Variants in PKIG observed in about 807,000 individuals in gnomAD.
The protein encoded by PKIG is cAMP-dependent protein kinase inhibitor gamma.
A neutral mutation model predicts 6.8 loss-of-function variants in PKIG; 1 was observed. That is an observed-to-expected ratio of 0.15 (90% CI 0.05 to 0.69). The LOEUF is 0.69. Among genes scored for constraint, PKIG ranks in the 30% least tolerant of loss-of-function variants. The pLI is 0.82. For synonymous variants in PKIG, 39 were observed against 43.0 expected, an observed-to-expected ratio of 0.91 and a Z score of 0.36; for missense variants, 77 against 104.0, an observed-to-expected ratio of 0.74 and a Z score of 1.13.
At chr20:44,587,292 G>A (rs1230754318) in intron 1 of PKIG, among the ~76,000 whole-genome samples, 3 of 152,220 alleles carry the variant, frequency 2.0e-5, no homozygotes, top group African/African-American at 7.2e-5. Context: ...TGGAGGTCCT[G>A]ATCTTGCGCT....
At chr20:44,552,953 T>A (rs2064682006) in intron 1 of PKIG, among the ~76,000 whole-genome samples, 1 of 152,130 alleles carries the variant, frequency 6.6e-6, no homozygotes, top group Non-Finnish European at 1.5e-5. Flanking sequence ...ATGATCTGAG[T>A]CTGTGTTTTG....
intron 1 of PKIG, among the ~76,000 whole-genome samples, chr20:44,573,086 G>A (rs1675239976): frequency 2.6e-5 from 4 of 152,230 alleles, no homozygotes; most frequent in African/African-American, 7.2e-5. Context: ...TTGGAACTAA[G>A]TAGAGTGGCA....
At chr20:44,558,574 T>C (rs377345770) in intron 1 of PKIG, among the ~76,000 whole-genome samples, 3 of 131,900 alleles carry the variant, frequency 2.3e-5, no homozygotes, top group Non-Finnish European at 3.1e-5. Context: ...TTTTTTTCTT[T>C]TTTCTTTCTT....
intron 1 of PKIG, among the ~76,000 whole-genome samples, chr20:44,532,235 A>T (rs1276437857): frequency 6.6e-6 from 1 of 152,214 alleles, no homozygotes; most frequent in Non-Finnish European, 1.5e-5. Context: ...TTAAAAAAAA[A>T]ATCCCTTCTT....
At chr20:44,578,290 G>A (rs559326424), upstream of PKIG, among the ~76,000 whole-genome samples, 8 of 145,468 alleles carry the variant, frequency 5.5e-5, no homozygotes, top group South Asian at 8.7e-4. Flanking sequence ...GCAGTGAGCC[G>A]AGATTGCACC....
intron 1 of PKIG, among the ~76,000 whole-genome samples, chr20:44,549,369 G>C (rs1307478522): frequency 6.6e-6 from 1 of 152,016 alleles, no homozygotes; most frequent in Non-Finnish European, 1.5e-5. Flanking sequence ...CCCATATACT[G>C]TTCTGTGTAA....
intron 1 of PKIG, among the ~76,000 whole-genome samples, chr20:44,585,910 T>C (rs757019141): frequency 2.0e-5 from 3 of 152,212 alleles, no homozygotes; most frequent in Non-Finnish European, 2.9e-5. Context: ...GGGTAGCAGG[T>C]AAGAGCTCTC....
At chr20:44,605,233 G>A (rs748530129) in intron 2 of PKIG, among the ~76,000 whole-genome samples, 2 of 151,888 alleles carry the variant, frequency 1.3e-5, no homozygotes, top group South Asian at 2.1e-4. Context: ...GTGAAACCCC[G>A]TCTCTACTGA....
At chr20:44,545,069 A>C (rs917525778) in intron 1 of PKIG, among the ~76,000 whole-genome samples, 5 of 150,472 alleles carry the variant, frequency 3.3e-5, no homozygotes, top group African/African-American at 1.2e-4. Context: ...TGGAGTAGCT[A>C]GGATTACAGG....
chr20:44,604,560 A>T (rs1316802406), intron 2 of PKIG, among the ~76,000 whole-genome samples: 1 of 152,246 alleles, frequency 6.6e-6, no homozygotes, highest in Non-Finnish European at 1.5e-5. Context: ...GAGCATTCTG[A>T]GAAGTTGAAG....
chr20:44,576,167 G>GTGTGTA (rs1473762300), intron 1 of PKIG, among the ~76,000 whole-genome samples: 1 of 135,522 alleles, frequency 7.4e-6, no homozygotes, highest in East Asian at 2.8e-4. Context: ...GAGTGTGTGT[G>GTGTGTA]TGTGTGTGTG....
chr20:44,533,263 C>G (rs1411578983), intron 1 of PKIG, among the ~76,000 whole-genome samples: 2 of 152,046 alleles, frequency 1.3e-5, no homozygotes, highest in Admixed American at 1.3e-4. Flanking sequence ...TTCCTGGGCT[C>G]AAGTGATCCT....
chr20:44,613,601 A>G (rs2123475573), intron 2 of PKIG, among the ~76,000 whole-genome samples: 1 of 152,186 alleles, frequency 6.6e-6, no homozygotes, highest in Admixed American at 6.5e-5. Context: ...CCACCTACTT[A>G]TTCACACCAG....
At chr20:44,610,258 T>C (rs1337669313) in intron 2 of PKIG, among the ~76,000 whole-genome samples, 2 of 152,120 alleles carry the variant, frequency 1.3e-5, no homozygotes. Flanking sequence ...AAAGGCAGGG[T>C]CTTGCCCAGG....
chr20:44,562,293 A>T (rs1013963349), intron 1 of PKIG, among the ~76,000 whole-genome samples: 10 of 152,318 alleles, frequency 6.6e-5, no homozygotes, highest in South Asian at 2.1e-4. Context: ...AGACAGAAAT[A>T]AAGAAAGGAG....
intron 1 of PKIG, among the ~76,000 whole-genome samples, chr20:44,556,631 G>A (rs1413884769): frequency 6.6e-6 from 1 of 152,134 alleles, no homozygotes; most frequent in African/African-American, 2.4e-5. Context: ...TCAAAGTGCT[G>A]GGATTACAGG....
intron 2 of PKIG, among the ~76,000 whole-genome samples, chr20:44,595,739 C>G (rs143797906): frequency 7.2e-5 from 11 of 152,196 alleles, no homozygotes; most frequent in East Asian, 5.8e-4. Context: ...GTCTCGAACT[C>G]CTGACCTCGT....
chr20:44,613,536 T>C (rs2065237603), intron 2 of PKIG, among the ~76,000 whole-genome samples: 1 of 152,224 alleles, frequency 6.6e-6, no homozygotes, highest in African/African-American at 2.4e-5. Context: ...CAGGACTTTA[T>C]GCCCTCAAAT....
At chr20:44,600,300 T>C (rs1600889706) in intron 2 of PKIG, among the ~76,000 whole-genome samples, 1 of 151,574 alleles carries the variant, frequency 6.6e-6, no homozygotes, top group Admixed American at 6.6e-5. Flanking sequence ...ATCAGGAGAG[T>C]GGATTTCACT....
Sources: gnomAD v4.1 joint callset for allele counts (sites outside exome capture counted in the v4.1 genomes callset) on GRCh38, gnomAD v4.1.1 for gene constraint, MANE v1.5 for transcripts, NCBI Gene and HGNC (gene_info 2026-07-23, HGNC 2026-07-21) for gene names.